PDE1A: variants seen among roughly 807,000 people sequenced by gnomAD.
PDE1A encodes dual specificity calcium/calmodulin-dependent 3',5'-cyclic nucleotide phosphodiesterase 1A.
A neutral mutation model predicts 61.7 loss-of-function variants in PDE1A; 35 were observed. The observed-to-expected ratio is 0.57, with a 90% CI of 0.43 to 0.75. The LOEUF is 0.75. PDE1A is among the 30% of genes least tolerant of loss of function. The pLI, the probability that PDE1A is intolerant of heterozygous loss-of-function variation, is 0.00. For missense variants in PDE1A, 597 were observed against 630.6 expected (o/e 0.95, Z 0.57); for synonymous variants, 232 against 213.2 (o/e 1.09, Z -0.77).
At chr2:182,650,028 G>C in the PDE1A span, among the ~76,000 whole-genome samples, 1 of 152,116 alleles carries the variant, frequency 6.6e-6, no homozygotes, top group Non-Finnish European at 1.5e-5. Context: ...GCAGTGAGCT[G>C]TGATCATATC....
chr2:182,643,081 G>A, the PDE1A span, among the ~76,000 whole-genome samples: 1 of 152,136 alleles, frequency 6.6e-6, no homozygotes, highest in Non-Finnish European at 1.5e-5. Flanking sequence ...CAGCCCTCCA[G>A]GTGAGGCAGC....
At chr2:182,634,962 C>T in the PDE1A span, among the ~76,000 whole-genome samples, 9 of 151,988 alleles carry the variant, frequency 5.9e-5, no homozygotes, top group African/African-American at 2.2e-4. Context: ...ACTGCAGTTG[C>T]AATTATTATA....
the PDE1A span, among the ~76,000 whole-genome samples, chr2:182,681,794 C>T: frequency 1.3e-5 from 2 of 151,946 alleles, no homozygotes; most frequent in African/African-American, 2.4e-5. Context: ...TACAGGCGCC[C>T]GCCACCTCGC....
intron 2 of PDE1A, among the ~76,000 whole-genome samples, chr2:182,448,465 A>C (rs1685284848): frequency 6.6e-6 from 1 of 152,072 alleles, no homozygotes; most frequent in Non-Finnish European, 1.5e-5. Context: ...CAAAATTGTA[A>C]AGTATATGCG....
the PDE1A span, among the ~76,000 whole-genome samples, chr2:182,615,499 G>A: frequency 1.3e-5 from 2 of 152,174 alleles, no homozygotes; most frequent in Non-Finnish European, 2.9e-5. Context: ...GTCATTAGAT[G>A]CTAAATTAGC....
chr2:182,485,094 A>G (rs1156893558), intron 2 of PDE1A, among the ~76,000 whole-genome samples: 1 of 152,124 alleles, frequency 6.6e-6, no homozygotes, highest in African/African-American at 2.4e-5. Context: ...TATTCATAAT[A>G]GCAAAGATAT....
chr2:182,451,682 T>C (rs954135129), intron 2 of PDE1A, among the ~76,000 whole-genome samples: 8 of 152,138 alleles, frequency 5.3e-5, no homozygotes, highest in African/African-American at 1.9e-4. Context: ...CAAACTTGCA[T>C]AACCTATACT....
intron 13 of PDE1A, among the ~76,000 whole-genome samples, chr2:182,150,243 G>T (rs1237722783): frequency 1.3e-5 from 2 of 152,148 alleles, no homozygotes; most frequent in Non-Finnish European, 2.9e-5. Context: ...CCCTCTCTAA[G>T]TATTCTGACC....
At chr2:182,541,792 G>T in the PDE1A span, among the ~76,000 whole-genome samples, 1 of 152,134 alleles carries the variant, frequency 6.6e-6, no homozygotes, top group Non-Finnish European at 1.5e-5. Flanking sequence ...TTGAAAATGT[G>T]TTGTTAGCCA....
the PDE1A span, among the ~76,000 whole-genome samples, chr2:182,597,330 C>T: frequency 6.6e-6 from 1 of 151,970 alleles, no homozygotes; most frequent in African/African-American, 2.4e-5. Flanking sequence ...ATGACTTATT[C>T]TGGAAGATAC....
intron 2 of PDE1A, among the ~76,000 whole-genome samples, chr2:182,474,692 A>C (rs1018806051): frequency 6.6e-6 from 1 of 151,886 alleles, no homozygotes; most frequent in South Asian, 2.1e-4. Flanking sequence ...AATACAGAAA[A>C]AAGATAGAAT....
At chr2:182,522,184 A>C in intron 2 of PDE1A, 2 of 1,030,574 alleles carry the variant, frequency 1.9e-6, no homozygotes, top group Non-Finnish European at 3.0e-6. Context: ...TTTCTAAAGG[A>C]AACTAGCCCA....
At chr2:182,499,786 GC>G (rs1364237909) in intron 2 of PDE1A, among the ~76,000 whole-genome samples, 4 of 152,252 alleles carry the variant, frequency 2.6e-5, no homozygotes, top group African/African-American at 9.6e-5. Flanking sequence ...TTTCTCAAGT[GC>G]CCTATCTCAG....
rs1701299240 is a variant in PDE1A, at chr2:182,389,493, ATACT to A, written c.53+37081_53+37084del. 4.6e-5 allele frequency among the ~76,000 whole-genome samples: 7 copies of A among 152,258 alleles called. No individual in the cohort carries two copies. In the South Asian group the frequency reaches 1.4e-3, roughly 32 times the overall value. On this transcript the variant is annotated intron_variant, in intron 1 of 13. Coordinates refer to ENST00000351439, the Ensembl canonical transcript of PDE1A. ...GACTTATAAGTGATATATTAAAAAA[ATACT>A]TAATATCAGTAATCATCAGGGAAAT... is the stretch of plus-strand genomic sequence containing the variant.
chr2:182,339,027 C>A (rs1407084387), intron 1 of PDE1A, among the ~76,000 whole-genome samples: 1 of 152,136 alleles, frequency 6.6e-6, no homozygotes, highest in African/African-American at 2.4e-5. Flanking sequence ...TAATTAAATT[C>A]TTCCTCATGG....
chr2:182,558,638 G>C, the PDE1A span, among the ~76,000 whole-genome samples: 20 of 152,168 alleles, frequency 1.3e-4, no homozygotes, highest in African/African-American at 4.3e-4. Flanking sequence ...AATGGAAACT[G>C]TAAAAGTGAA....
At chr2:182,206,740 G>A (rs927417390) in intron 7 of PDE1A, among the ~76,000 whole-genome samples, 1 of 152,144 alleles carries the variant, frequency 6.6e-6, no homozygotes, top group African/African-American at 2.4e-5. Context: ...GGGACCTGGT[G>A]GGAGGTGATT....
chr2:182,478,884 C>T (rs1297262651), intron 2 of PDE1A, among the ~76,000 whole-genome samples: 1 of 151,844 alleles, frequency 6.6e-6, no homozygotes, highest in Non-Finnish European at 1.5e-5. Context: ...GGTTACTAGA[C>T]CCCTTAATCT....
At chr2:182,181,817 C>T (rs1038070809) in intron 13 of PDE1A, among the ~76,000 whole-genome samples, 1 of 152,148 alleles carries the variant, frequency 6.6e-6, no homozygotes, top group Non-Finnish European at 1.5e-5. Context: ...AGCCGCTTTG[C>T]TGTGTTGTGG....
Sources: allele counts gnomAD v4.1 joint callset (sites outside exome capture counted in the v4.1 genomes callset), GRCh38; gene constraint gnomAD v4.1.1; transcripts MANE v1.5; gene names NCBI Gene and HGNC (gene_info 2026-07-23, HGNC 2026-07-21).